AKAP9: variants seen among roughly 807,000 people sequenced by gnomAD.
The protein encoded by AKAP9 is A-kinase anchor protein 9.
In AKAP9, 311 loss-of-function variants were observed where a neutral mutation model predicts 488.5. The observed-to-expected ratio is 0.64, with a 90% CI of 0.58 to 0.70. The LOEUF is 0.70. Among genes scored for constraint, AKAP9 ranks in the 30% least tolerant of loss-of-function variants. The probability of loss-of-function intolerance (pLI) is 0.00; values close to 1 mark genes in which losing one functional copy is unlikely to be tolerated. For synonymous variants in AKAP9, 1,462 were observed against 1,483.5 expected (o/e 0.99, Z 0.33); for missense variants, 4,215 against 4,374.5 (o/e 0.96, Z 1.03).
At chr7:92,054,276 CTT>C (rs956748709) in intron 22 of AKAP9, among the ~76,000 whole-genome samples, 20 of 152,058 alleles carry the variant, frequency 1.3e-4, no homozygotes, top group African/African-American at 3.6e-4. Flanking sequence ...TGTGAAATAA[CTT>C]ATATTCCACT....
rs1812835048 is a variant in AKAP9, at chr7:92,077,670, A to G, written c.6766-26A>G. ...AAAATGATAGGTAATGATATATCCAACTGTGATAATTATTTTTGTTCCTAG... is the reference window on the plus strand; with the variant it reads ...AAAATGATAGGTAATGATATATCCAGCTGTGATAATTATTTTTGTTCCTAG... On this transcript the variant is annotated intron_variant, in intron 29 of 49. Transcript: ENST00000356239. 4 of 1,598,302 alleles carry G rather than the reference A, an allele frequency of 2.5e-6. No homozygotes were observed. In the South Asian group the frequency reaches 3.3e-5, roughly 13 times the overall value.
At chr7:92,065,563 G>T in intron 25 of AKAP9, 100 bp downstream of exon 25, 1 of 813,928 alleles carries the variant, frequency 1.2e-6, no homozygotes, top group Admixed American at 2.5e-5. Context: ...TGTTGAGTTA[G>T]TTTTTCAGTG....
intron 16 of AKAP9, among the ~76,000 whole-genome samples, chr7:92,034,478 A>G (rs985359576): frequency 1.5e-5 from 2 of 130,962 alleles, no homozygotes; most frequent in African/African-American, 6.0e-5. Context: ...TAGTGTATAT[A>G]TCTATATATA....
At position 92,022,811 on chromosome 7, in the gene AKAP9, T is replaced by C. The variant is rs730880045; in HGVS notation, c.3953-3T>C. ...GCATTTTTTGTCTCTTTATATAACATAGATGTCAATCATAAAAGCAAGTTA... is the reference window on the plus strand; with the variant it reads ...GCATTTTTTGTCTCTTTATATAACACAGATGTCAATCATAAAAGCAAGTTA... On this transcript the variant is annotated splice_polypyrimidine_tract_variant and splice_region_variant and intron_variant, in intron 13 of 49. Transcript: ENST00000356239. 4.2e-5 allele frequency: 66 copies of C among 1,564,628 alleles called. No homozygotes were observed. Among genetic ancestry groups the C allele is most frequent in the Non-Finnish European group, 5.5e-5 (63 of 1,137,874 alleles).
rs1321693148 is a variant in AKAP9, at chr7:92,099,886, C to T, written c.10896+17C>T. 1 of 1,611,744 alleles carries T rather than the reference C, an allele frequency of 6.2e-7. No individual in the cohort carries two copies. Among genetic ancestry groups the T allele is most frequent in the East Asian group, 2.2e-5 (1 of 44,852 alleles). On this transcript the variant is annotated intron_variant, in intron 44 of 49. Transcript: ENST00000356239. ...AGAGATAATGTATGTCCATTTTTAG[C>T]ATCTCCATATATGAGAATTAGTGCA...
chr7:91,993,888 A>G (rs1029164603), intron 5 of AKAP9, among the ~76,000 whole-genome samples: 1 of 152,226 alleles, frequency 6.6e-6, no homozygotes, highest in African/African-American at 2.4e-5. Flanking sequence ...CAGCACTTCA[A>G]GAGGCTGAGG....
intron 21 of AKAP9, among the ~76,000 whole-genome samples, chr7:92,046,792 C>A (rs925170842): frequency 6.6e-6 from 1 of 152,194 alleles, no homozygotes; most frequent in African/African-American, 2.4e-5. Context: ...ACAATTATTT[C>A]ACAAGCTTGT....
intron 10 of AKAP9, among the ~76,000 whole-genome samples, chr7:92,015,238 GA>G (rs953099948): frequency 7.9e-5 from 12 of 152,132 alleles, no homozygotes; most frequent in African/African-American, 2.9e-4. Flanking sequence ...ATGATAATGG[GA>G]CATGTATTGT....
chr7:92,088,538 C>T (rs1223871409), intron 37 of AKAP9, among the ~76,000 whole-genome samples: 1 of 152,138 alleles, frequency 6.6e-6, no homozygotes, highest in Non-Finnish European at 1.5e-5. Flanking sequence ...TTTATGCCTA[C>T]AACCACTTGT....
chr7:92,066,871 A>G (rs1393972558), intron 26 of AKAP9, among the ~76,000 whole-genome samples: 1 of 152,096 alleles, frequency 6.6e-6, no homozygotes, highest in East Asian at 1.9e-4. Flanking sequence ...CTTTTCTCTT[A>G]CTAGTCCACT....
At chr7:92,038,252 A>T (rs1327634516) in intron 16 of AKAP9, among the ~76,000 whole-genome samples, 167 bp from the exon 17 acceptor site, 1 of 152,226 alleles carries the variant, frequency 6.6e-6, no homozygotes, top group Non-Finnish European at 1.5e-5. Context: ...GATTTATTGT[A>T]AAAAGAGAAT....
At chr7:91,963,790 T>C (rs1462210600) in intron 1 of AKAP9, among the ~76,000 whole-genome samples, 1 of 152,224 alleles carries the variant, frequency 6.6e-6, no homozygotes, top group East Asian at 1.9e-4. Context: ...AGTGCTGGGA[T>C]TACAGGCGTG....
intron 12 of AKAP9, among the ~76,000 whole-genome samples, chr7:92,018,095 A>G (rs1393317603): frequency 6.6e-6 from 1 of 152,256 alleles, no homozygotes; most frequent in Non-Finnish European, 1.5e-5. Flanking sequence ...TGGAGAAAAC[A>G]TGCCTCATCC....
chr7:91,989,782 A>G (rs1308730536), intron 3 of AKAP9, among the ~76,000 whole-genome samples: 2 of 152,040 alleles, frequency 1.3e-5, no homozygotes, highest in African/African-American at 4.8e-5. Context: ...TTATGAAAAT[A>G]TTCAATATTA....
rs759763675 is a variant in AKAP9, at chr7:92,012,662, A to G, written c.3532+20A>G. 5 of 1,569,310 alleles carry G rather than the reference A, an allele frequency of 3.2e-6. No homozygotes were observed. The highest frequency in any genetic ancestry group is 2.2e-5 in the East Asian group (1 of 44,618). On this transcript the variant is annotated intron_variant, in intron 9 of 49. Coordinates refer to ENST00000356239, the MANE Select transcript of AKAP9 (RefSeq NM_005751.5). ...AAACAGGTAAAATGGTTTCTGACTT[A>G]TAAGTACCATGATCCAAATAAGTAT...
intron 16 of AKAP9, 82 bp from the exon 17 acceptor site, chr7:92,038,337 A>G: frequency 2.7e-6 from 3 of 1,123,248 alleles, no homozygotes; most frequent in Non-Finnish European, 3.9e-6. Flanking sequence ...CTGTTTATAC[A>G]ATTTTGAGTA....
chr7:92,070,848 AC>A, intron 27 of AKAP9, 56 bp from the exon 28 acceptor site: 4 of 1,310,290 alleles, frequency 3.1e-6, no homozygotes, highest in Non-Finnish European at 4.3e-6. Context: ...ACAAAAAAAA[AC>A]TGGATAATCA....
At position 92,038,800 on chromosome 7, in the gene AKAP9, A is replaced by G. The variant is rs767033139; in HGVS notation, c.4692+28A>G. ...AAGTATGCCTCCTTGAATATAAAAA[A>G]CTTATTTAAAAATTGTGAATTCTTT... On this transcript the variant is annotated intron_variant, in intron 17 of 49. Transcript: ENST00000356239. 2.7e-6 allele frequency: 4 copies of G among 1,484,786 alleles called. No homozygotes were observed. The South Asian group carries it at 3.5e-5, about 13-fold the overall frequency. The allele number at this position is 1,484,786 out of a possible 1,614,324, so 92.0% of individuals were successfully genotyped here.
intron 3 of AKAP9, among the ~76,000 whole-genome samples, chr7:91,985,721 C>T (rs1395689876): frequency 2.0e-5 from 3 of 152,060 alleles, no homozygotes; most frequent in African/African-American, 7.2e-5. Context: ...GATCTCAGCT[C>T]ACTGCAACCC....
Sources: allele counts gnomAD v4.1 joint callset (sites outside exome capture counted in the v4.1 genomes callset), GRCh38; gene constraint gnomAD v4.1.1; transcripts MANE v1.5; gene names NCBI Gene and HGNC (gene_info 2026-07-23, HGNC 2026-07-21).